Variants in GBE1 observed in about 807,000 individuals in gnomAD.
The protein encoded by GBE1 is 1,4-alpha-glucan-branching enzyme.
Under a neutral mutation model 88.8 loss-of-function variants are expected in GBE1, and 70 were observed. That is an observed-to-expected ratio of 0.79 (90% CI 0.65 to 0.96). GBE1 has a LOEUF of 0.96. Among genes scored for constraint, GBE1 ranks in the 40% least tolerant of loss-of-function variants. The probability of loss-of-function intolerance (pLI) is 0.00; values close to 1 mark genes in which losing one functional copy is unlikely to be tolerated. For synonymous variants in GBE1, 284 were observed against 300.1 expected, an observed-to-expected ratio of 0.95 and a Z score of 0.56; for missense variants, 872 against 871.0, an observed-to-expected ratio of 1.00 and a Z score of -0.01.
chr3:81,603,352 T>G (rs1195302489), intron 7 of GBE1, among the ~76,000 whole-genome samples: 2 of 152,086 alleles, frequency 1.3e-5, no homozygotes, highest in Non-Finnish European at 2.9e-5. Flanking sequence ...GAAATAACAC[T>G]GAATTAGAAG....
intron 1 of GBE1, among the ~76,000 whole-genome samples, chr3:81,716,617 T>C (rs1246543255): frequency 1.3e-5 from 2 of 152,216 alleles, no homozygotes; most frequent in Non-Finnish European, 2.9e-5. Flanking sequence ...TTATTTATAC[T>C]ACATTATTCT....
intron 2 of GBE1, among the ~76,000 whole-genome samples, chr3:81,698,263 C>T (rs1705632839): frequency 6.6e-6 from 1 of 151,782 alleles, no homozygotes; most frequent in Non-Finnish European, 1.5e-5. Flanking sequence ...ATAAAGTACA[C>T]ACACACACAA....
chr3:81,703,899 A>C (rs970410922), intron 2 of GBE1, among the ~76,000 whole-genome samples: 13 of 151,998 alleles, frequency 8.6e-5, no homozygotes, highest in African/African-American at 3.1e-4. Context: ...ATAAGGGAAG[A>C]TGTGCCTAGG....
chr3:81,629,790 T>C (rs937854940), intron 7 of GBE1, among the ~76,000 whole-genome samples: 8 of 152,166 alleles, frequency 5.3e-5, no homozygotes, highest in African/African-American at 1.7e-4. Flanking sequence ...TATGTATACA[T>C]GGGCCATGTT....
At chr3:81,662,110 G>A (rs1186706583) in intron 3 of GBE1, among the ~76,000 whole-genome samples, 1 of 152,090 alleles carries the variant, frequency 6.6e-6, no homozygotes, top group East Asian at 1.9e-4. Context: ...TCGGCTCACC[G>A]CAACCTCCGC....
rs945225750 is a variant in GBE1, at chr3:81,630,230, C to T, written c.992+12551G>A. Among the ~76,000 whole-genome samples, 11 of 151,994 alleles carry T rather than the reference C, an allele frequency of 7.2e-5. No individual in the cohort carries two copies. In the East Asian group the frequency reaches 7.7e-4, roughly 11 times the overall value. On this transcript the variant is annotated intron_variant, in intron 7 of 15. Coordinates refer to ENST00000429644, the MANE Select transcript of GBE1 (RefSeq NM_000158.4). Reference sequence around the variant, plus strand: ...TACAAAAGGATGTGAAGGACCTCTTCGAGGAGAACTACAAACCACTACTCA... The same window carrying T: ...TACAAAAGGATGTGAAGGACCTCTTTGAGGAGAACTACAAACCACTACTCA...
chr3:81,602,685 G>A (rs567659655), intron 7 of GBE1, among the ~76,000 whole-genome samples: 2 of 152,210 alleles, frequency 1.3e-5, no homozygotes, highest in African/African-American at 4.8e-5. Context: ...CAACATACAA[G>A]TTTCAGAGGG....
At chr3:81,754,922 A>G (rs1706581098) in intron 1 of GBE1, among the ~76,000 whole-genome samples, 1 of 152,166 alleles carries the variant, frequency 6.6e-6, no homozygotes, top group African/African-American at 2.4e-5. Flanking sequence ...CTCTCACATA[A>G]AGATTTCTTG....
chr3:81,698,956 T>C (rs939512682), intron 2 of GBE1, among the ~76,000 whole-genome samples: 1 of 152,092 alleles, frequency 6.6e-6, no homozygotes, highest in Non-Finnish European at 1.5e-5. Flanking sequence ...AAGGAAGTAC[T>C]GCAAAACTTT....
intron 14 of GBE1, among the ~76,000 whole-genome samples, chr3:81,524,345 T>A (rs908758727): frequency 2.0e-5 from 3 of 151,904 alleles, no homozygotes; most frequent in African/African-American, 7.2e-5. Context: ...GATTATTAAA[T>A]TTTTTCCTAT....
At chr3:81,694,341 T>A (rs918417792) in intron 2 of GBE1, among the ~76,000 whole-genome samples, 13 of 152,176 alleles carry the variant, frequency 8.5e-5, no homozygotes, top group African/African-American at 3.1e-4. Context: ...CATAATAGTA[T>A]GTACAAATGT....
chr3:81,639,299 A>C (rs1345155241), intron 7 of GBE1, among the ~76,000 whole-genome samples: 1 of 151,950 alleles, frequency 6.6e-6, no homozygotes, highest in Non-Finnish European at 1.5e-5. Flanking sequence ...TGCCTTTTTA[A>C]ATTTTCTAAT....
At chr3:81,582,522 T>G (rs1703747245) in intron 10 of GBE1, among the ~76,000 whole-genome samples, 1 of 152,162 alleles carries the variant, frequency 6.6e-6, no homozygotes, top group Non-Finnish European at 1.5e-5. Context: ...TTGTGCTGTT[T>G]AAGCCACTAA....
At chr3:81,494,159 C>T (rs1702473566) in intron 15 of GBE1, among the ~76,000 whole-genome samples, 1 of 152,118 alleles carries the variant, frequency 6.6e-6, no homozygotes, top group Admixed American at 6.6e-5. Context: ...GTGGTATAGG[C>T]AACATGGAAG....
At chr3:81,592,560 C>T (rs955028086) in intron 8 of GBE1, among the ~76,000 whole-genome samples, 89 of 152,158 alleles carry the variant, frequency 5.8e-4, no homozygotes, top group African/African-American at 1.9e-3. Context: ...TTCTGCTGTG[C>T]GGTTTCAGGG....
At chr3:81,581,125 A>G (rs753472201) in intron 11 of GBE1, 40 bp downstream of exon 11, 2 of 1,151,878 alleles carry the variant, frequency 1.7e-6, no homozygotes, top group South Asian at 2.7e-5. Context: ...AGGAAGAGAG[A>G]GAGAGAGAAA....
chr3:81,515,770 G>A (rs1702790774), intron 14 of GBE1, among the ~76,000 whole-genome samples: 1 of 151,566 alleles, frequency 6.6e-6, no homozygotes, highest in African/African-American at 2.4e-5. Flanking sequence ...ATGAGTGATA[G>A]GACAGTGAAC....
chr3:81,571,825 C>CT (rs1006392971), intron 12 of GBE1, among the ~76,000 whole-genome samples: 15 of 152,078 alleles, frequency 9.9e-5, no homozygotes, highest in African/African-American at 2.7e-4. Flanking sequence ...AACAAAACAA[C>CT]TTTTTTTAAA....
At chr3:81,543,181 C>A (rs1703163323) in intron 12 of GBE1, among the ~76,000 whole-genome samples, 2 of 151,844 alleles carry the variant, frequency 1.3e-5, no homozygotes, top group Admixed American at 1.3e-4. Context: ...ATTAGAAAAT[C>A]ATTTATTAAT....
Sources: gnomAD v4.1 joint callset for allele counts (sites outside exome capture counted in the v4.1 genomes callset) on GRCh38, gnomAD v4.1.1 for gene constraint, MANE v1.5 for transcripts, NCBI Gene and HGNC (gene_info 2026-07-23, HGNC 2026-07-21) for gene names.